The following DBNDD1 variants were observed in gnomAD, a reference collection of about 807,000 sequenced individuals.
DBNDD1 encodes dysbindin domain containing 1.
Under a neutral mutation model 17.0 loss-of-function variants are expected in DBNDD1, and 14 were observed. That is an observed-to-expected ratio of 0.82 (90% confidence interval 0.54 to 1.29). The LOEUF (loss-of-function observed/expected upper bound fraction) is 1.29, where lower values mean the gene tolerates loss of function less well. Among genes scored for constraint, DBNDD1 ranks in the 50% most tolerant of loss-of-function variants. The pLI is 0.00. For missense variants in DBNDD1, 221 were observed against 216.2 expected, an observed-to-expected ratio of 1.02 and a Z score of -0.14; for synonymous variants, 105 against 102.0, an observed-to-expected ratio of 1.03 and a Z score of -0.18.
At chr16:90,010,858 C>A (rs574367504) in intron 1 of DBNDD1, among the ~76,000 whole-genome samples, 58 of 152,350 alleles carry the variant, frequency 3.8e-4, no homozygotes, top group African/African-American at 1.3e-3. Context: ...TCAGGCCTGT[C>A]CCTGGGTGCA....
Position 90,019,404 on chromosome 16 carries a change from A to C in DBNDD1, c.-63T>G. 9.2e-7 allele frequency: 1 copy of C among 1,091,848 alleles called. No homozygotes were observed. The highest frequency in any genetic ancestry group is 1.1e-6 in the Non-Finnish European group (1 of 873,936). The allele number at this position is 1,091,848 out of a possible 1,614,324, so 67.6% of individuals were successfully genotyped here. A position where few individuals can be genotyped will look rare whatever the true frequency, so the allele number is the denominator to read the frequency against. ...GGCGTCGCCTGGCCCGGGCGCCCCA[A>C]CAGCTGCGGCAGCGACTCGGCCCCG... On this transcript the variant is annotated 5_prime_UTR_variant, in exon 1 of 4. Coordinates refer to ENST00000002501, the MANE Select transcript of DBNDD1 (RefSeq NM_001042610.3). This position sits in a 1 kb window ranked among gnomAD's most constrained non-coding sequence, Gnocchi z 6.1.
At chr16:90,009,892 T>A (rs2035518384) in intron 1 of DBNDD1, 5 of 1,538,506 alleles carry the variant, frequency 3.2e-6, no homozygotes, top group Admixed American at 1.7e-5. Context: ...TGACTTTTCC[T>A]TTTAAAAACT....
chr16:90,009,255 G>A (rs2035502584), intron 2 of DBNDD1, 29 bp downstream of exon 2: 2 of 1,610,530 alleles, frequency 1.2e-6, no homozygotes, highest in African/African-American at 2.7e-5. Flanking sequence ...GGTCCCCATA[G>A]CGTGCGCTGG....
In DBNDD1 at chr16:90,008,681, C is replaced by T. The variant is rs907369570; in HGVS notation, c.319+103G>A. 47 of 956,422 alleles carry T rather than the reference C, an allele frequency of 4.9e-5. 2 individuals carry two copies. The East Asian group carries it at 8.2e-4, about 17-fold the overall frequency. The allele number at this position is 956,422 out of a possible 1,614,324, so 59.2% of individuals were successfully genotyped here. A position where few individuals can be genotyped will look rare whatever the true frequency, so the allele number is the denominator to read the frequency against. ...CACCCCCCAAACACACCTCCCAGGACGTCCCAAGGGCCCTCAGCCCACCAC... is the reference window on the plus strand; with the variant it reads ...CACCCCCCAAACACACCTCCCAGGATGTCCCAAGGGCCCTCAGCCCACCAC... On this transcript the variant is annotated intron_variant, in intron 3 of 3. Coordinates refer to ENST00000002501, the MANE Select transcript of DBNDD1 (RefSeq NM_001042610.3).
chr16:90,006,711 G>T, intron 3 of DBNDD1: 1 of 611,718 alleles, frequency 1.6e-6, no homozygotes, highest in South Asian at 2.1e-5. Flanking sequence ...CCTGGGCAGG[G>T]TCTTTTCTGG....
chr16:90,009,047 G>A (rs2151260965), intron 2 of DBNDD1, 123 bp from the exon 3 acceptor site: 1 of 1,340,918 alleles, frequency 7.5e-7, no homozygotes. Flanking sequence ...ACAGCTTCCT[G>A]CAAAGCCCAC....
In DBNDD1 at chr16:90,005,284, A is replaced by AT. The variant is rs2035401481; in HGVS notation, c.*1050dup. The AT allele has an allele frequency of 6.6e-6, 1 of 152,214 alleles. No homozygotes were observed. The highest frequency in any genetic ancestry group is 6.5e-5 in the Admixed American group (1 of 15,276). 9.4% of individuals were successfully genotyped at this position (152,214 alleles called of 1,614,324 possible). On this transcript the variant is annotated 3_prime_UTR_variant, in exon 4 of 4. Transcript: ENST00000002501. Reference sequence around the variant, plus strand: ...GGATGGAAAGTAAGCTTACACTTTGATATTAAACTCATTCTTTGACTTGCT... The same window carrying AT: ...GGATGGAAAGTAAGCTTACACTTTGATTATTAAACTCATTCTTTGACTTGCT...
At chr16:90,010,446 C>T (rs1367886627) in intron 1 of DBNDD1, among the ~76,000 whole-genome samples, 1 of 148,994 alleles carries the variant, frequency 6.7e-6, no homozygotes, top group Non-Finnish European at 1.5e-5. Flanking sequence ...CGGCTCATTG[C>T]AGTCTCCACC....
chr16:90,008,850 C>T lies in DBNDD1; in HGVS notation c.253G>A (p.Asp85Asn), dbSNP rs748216860. ...GCAAAGACCTCGGCCAGCTCCTGGTCCGACATGTCGGTGAGCTCAGTGAGG... is the reference window on the plus strand; with the variant it reads ...GCAAAGACCTCGGCCAGCTCCTGGTTCGACATGTCGGTGAGCTCAGTGAGG... ...LDLTELTDMS[D>N]QELAEVFADS... Residue 85 changes from aspartate to asparagine, a missense_variant, in exon 3 of 4, where the codon GAC (aspartate) becomes AAC (asparagine). Transcript: ENST00000002501. 1 of 1,604,282 alleles carries T rather than the reference C, an allele frequency of 6.2e-7. No homozygotes were observed. The highest frequency in any genetic ancestry group is 8.5e-7 in the Non-Finnish European group (1 of 1,173,964).
rs532331457 is a variant in DBNDD1 at position 90,008,930 on chromosome 16, G to A, written c.179-6C>T. 7 of 1,550,074 alleles carry A rather than the reference G, an allele frequency of 4.5e-6. No homozygotes were observed. The highest frequency in any genetic ancestry group is 1.2e-5 in the South Asian group (1 of 85,502). ...GGAGACGCTGCTCAGAGGCTCTGAG[G>A]GCAGAGGGGGTACAGTCAGCCCTCA... On this transcript the variant is annotated splice_region_variant and splice_polypyrimidine_tract_variant and intron_variant, in intron 2 of 3. Coordinates refer to ENST00000002501, the MANE Select transcript of DBNDD1 (RefSeq NM_001042610.3).
rs949940587 is a variant in DBNDD1, at chr16:90,019,416, G to C, written c.-75C>G. The C allele has an allele frequency of 5.2e-6, 5 of 969,372 alleles. No individual in the cohort carries two copies. The African/African-American group carries it at 8.6e-5, about 17-fold the overall frequency. 60.0% of individuals were successfully genotyped at this position (969,372 alleles called of 1,614,324 possible). On this transcript the variant is annotated 5_prime_UTR_variant, in exon 1 of 4. Transcript: ENST00000002501. This position sits in a 1 kb window ranked among gnomAD's most constrained non-coding sequence, Gnocchi z 6.1. ...CCCGGGCGCCCCAACAGCTGCGGCA[G>C]CGACTCGGCCCCGGCTCCGGGCGCA...
chr16:90,007,687 A>T (rs1366060280), intron 3 of DBNDD1: 1 of 152,334 alleles, frequency 6.6e-6, no homozygotes, highest in African/African-American at 2.4e-5. Context: ...TTTTATGATG[A>T]AAATTCACAT....
intron 1 of DBNDD1, among the ~76,000 whole-genome samples, chr16:90,012,638 T>C (rs1195758366): frequency 6.6e-6 from 1 of 151,926 alleles, no homozygotes; most frequent in Non-Finnish European, 1.5e-5. Context: ...TCTGTATTTT[T>C]AGTAGAGATG....
At chr16:90,016,522 T>A (rs2035645348) in intron 1 of DBNDD1, among the ~76,000 whole-genome samples, 1 of 152,100 alleles carries the variant, frequency 6.6e-6, no homozygotes, top group African/African-American at 2.4e-5. Context: ...ACAGCAATGT[T>A]CTGGTCCTTA....
chr16:90,007,080 C>T lies in DBNDD1; in HGVS notation c.320-588G>A, dbSNP rs376805730. On this transcript the variant is annotated intron_variant, in intron 3 of 3. Transcript: ENST00000002501. ...GCCACAACAGCCATGCCTGGGCTCA[C>T]GGGCTGGGTGGGAAGGGTTGCCGCC... The T allele has an allele frequency of 8.9e-4, 137 of 153,738 alleles. 1 individual carries two copies. The South Asian group carries it at 0.014, about 16-fold the overall frequency. The allele number at this position is 153,738 out of a possible 1,614,324, so 9.5% of individuals were successfully genotyped here.
At chr16:90,019,844 G>C, upstream of DBNDD1, 1 of 687,526 alleles carries the variant, frequency 1.5e-6, no homozygotes, top group South Asian at 1.5e-5. This position sits in a 1 kb window ranked among gnomAD's most constrained non-coding sequence, Gnocchi z 6.1. Context: ...GGCCTGACTC[G>C]CGCTGGGTAA....
intron 1 of DBNDD1, among the ~76,000 whole-genome samples, chr16:90,018,432 G>A (rs2035685358): frequency 6.6e-6 from 1 of 152,232 alleles, no homozygotes; most frequent in Non-Finnish European, 1.5e-5. Flanking sequence ...AGGTTCCCAT[G>A]TAGTTCCAGA....
intron 1 of DBNDD1, among the ~76,000 whole-genome samples, chr16:90,012,458 CTCTCT>C (rs1433234337): frequency 6.7e-6 from 1 of 149,916 alleles, no homozygotes; most frequent in Non-Finnish European, 1.5e-5. Flanking sequence ...CCCTCCTCTC[CTCTCT>C]CTTTTTTTTT....
chr16:90,017,627 G>T (rs944880818), intron 1 of DBNDD1, among the ~76,000 whole-genome samples: 1 of 152,234 alleles, frequency 6.6e-6, no homozygotes, highest in African/African-American at 2.4e-5. Context: ...GGGCCTGGGG[G>T]CTGGGATGTC....
Sources: allele counts gnomAD v4.1 joint callset (sites outside exome capture counted in the v4.1 genomes callset), GRCh38; gene constraint gnomAD v4.1.1; non-coding constraint Gnocchi (gnomAD v3.1); transcripts MANE v1.5; gene names NCBI Gene and HGNC (gene_info 2026-07-23, HGNC 2026-07-21).